Variants in TYK2 observed in about 807,000 individuals in gnomAD.
TYK2 encodes tyrosine kinase 2, also known as non-receptor tyrosine-protein kinase TYK2.
Under a neutral mutation model 130.9 loss-of-function variants are expected in TYK2, and 65 were observed. The observed-to-expected ratio is 0.50, with a 90% CI of 0.41 to 0.61. The LOEUF (loss-of-function observed/expected upper bound fraction) is 0.61. TYK2 is among the 20% of genes least tolerant of loss of function. The pLI is 0.00. For synonymous variants in TYK2, 647 were observed against 658.9 expected (o/e 0.98, Z 0.28); for missense variants, 1,378 against 1,610.7 (o/e 0.86, Z 2.47).
chr19:10,365,774 G>A lies in TYK2; in HGVS notation c.754C>T (p.Gln252Ter). Reference protein sequence around the residue: ...LRDFQPGRLSQQMVMVKYLAT... With the variant: ...LRDFQPGRLS ...AGGTATTTGACCATGACCATCTGCT[G>A]GGAGAGTCGGCCCGGCTGGAAGTCC... is the stretch of plus-strand genomic sequence containing the variant. Residue 252 changes from glutamine to a stop codon, truncating the protein, a stop_gained, in exon 7 of 25, where the codon CAG becomes TAG. Transcript: ENST00000525621. LOFTEE classifies it high-confidence loss of function. 6.2e-7 allele frequency: 1 copy of A among 1,612,666 alleles called. No homozygotes were observed. The highest frequency in any genetic ancestry group is 8.5e-7 in the Non-Finnish European group (1 of 1,179,836).
At chr19:10,375,704 C>T (rs2042089046) in intron 3 of TYK2, among the ~76,000 whole-genome samples, 1 of 147,652 alleles carries the variant, frequency 6.8e-6, no homozygotes, top group South Asian at 2.1e-4. Context: ...ATCACGAGGT[C>T]AGGAGATCAA....
In TYK2 at chr19:10,364,567, T is replaced by G. The variant is rs374575780; in HGVS notation, c.1367+47A>C. On this transcript the variant is annotated intron_variant, in intron 9 of 24. Transcript: ENST00000525621. The surrounding 1 kb of genome is among the most constrained non-coding windows in gnomAD (Gnocchi z 4.9). ...ACAGCCCCTAGGGCTCACAGTCTAG[T>G]TGGCACCCTTGGCGGTGGCCCCCAG... 1.2e-6 allele frequency: 2 copies of G among 1,608,952 alleles called. No individual in the cohort carries two copies. Among genetic ancestry groups the G allele is most frequent in the Non-Finnish European group, 1.7e-6 (2 of 1,176,752 alleles).
At position 10,365,850 on chromosome 19, in the gene TYK2, G is replaced by A. The variant is rs2041638098; in HGVS notation, c.678C>T (p.His226=). The part of the protein sequence containing the change: ...PRSFRRHIRQ[H]SALTRLRLRN... ...GAAGGCGCAGCCGGGTCAGGGCGCT[G>A]TGCTGCCGGATATGCCGGCGGAAGG... The change falls in exon 7 of 25, where the codon CAC becomes CAT. Residue 226 remains histidine (H), a synonymous_variant. Transcript: ENST00000525621. The A allele has an allele frequency of 6.2e-7, 1 of 1,612,372 alleles. No homozygotes were observed. The highest frequency in any genetic ancestry group is 2.2e-5 in the East Asian group (1 of 44,858).
chr19:10,373,039 A>AT lies in TYK2; in HGVS notation c.194-4622dup, dbSNP rs951748152. ...CCACCATGCCCAGCTAATTTTTTGT[A>AT]TTTTTTTTTTTTTTGGATAGAGTTT... On this transcript the variant is annotated intron_variant, in intron 3 of 24. Coordinates refer to ENST00000525621, the MANE Select transcript of TYK2 (RefSeq NM_003331.5). 4.8e-3 allele frequency among the ~76,000 whole-genome samples: 635 copies of AT among 133,276 alleles called. 6 individuals carry two copies. The highest frequency in any genetic ancestry group is 0.012 in the African/African-American group (448 of 36,178). The allele number at this position is 133,276 out of a possible 152,430, so 87.4% of individuals were successfully genotyped here.
intron 3 of TYK2, among the ~76,000 whole-genome samples, chr19:10,371,082 C>T (rs1018899127): frequency 7.9e-5 from 12 of 152,028 alleles, no homozygotes; most frequent in Non-Finnish European, 1.5e-5. Flanking sequence ...CCTCCTGCCT[C>T]AGCCTCCCAA....
chr19:10,353,400 C>CA lies in TYK2; in HGVS notation c.3027+127dup. 1.4e-6 allele frequency: 1 copy of CA among 701,770 alleles called. No individual in the cohort carries two copies. The highest frequency in any genetic ancestry group is 1.8e-5 in the African/African-American group (1 of 55,188). 43.5% of individuals were successfully genotyped at this position (701,770 alleles called of 1,614,324 possible). A position where few individuals can be genotyped will look rare whatever the true frequency, so the allele number is the denominator to read the frequency against. On this transcript the variant is annotated intron_variant, in intron 21 of 24. Transcript: ENST00000525621. This position sits in a 1 kb window ranked among gnomAD's most constrained non-coding sequence, Gnocchi z 6.9. Reference sequence around the variant, plus strand: ...AAGCCAAACAGTTCGGAGGTCAGTGCAAGGACAAGACAGCCTGGGCAAACG... The same window carrying CA: ...AAGCCAAACAGTTCGGAGGTCAGTGCAAAGGACAAGACAGCCTGGGCAAACG...
intron 18 of TYK2, among the ~76,000 whole-genome samples, chr19:10,356,236 G>A (rs757512192): frequency 9.2e-5 from 14 of 152,054 alleles, no homozygotes; most frequent in East Asian, 1.9e-4. Flanking sequence ...AAAATTAGCC[G>A]GGCATGGTGG....
chr19:10,378,109 G>C, intron 3 of TYK2, 105 bp downstream of exon 3: 1 of 1,134,730 alleles, frequency 8.8e-7, no homozygotes, highest in Non-Finnish European at 1.3e-6. Context: ...TGAGTGGGTG[G>C]ATGGGTGGGT....
intron 3 of TYK2, among the ~76,000 whole-genome samples, chr19:10,372,023 A>C (rs280498): frequency 0.77 from 116,486 of 151,376 alleles, 45,956 homozygotes; most frequent in African/African-American, 0.94. Flanking sequence ...CGGAGTCTCG[A>C]TCTGTCGCCC....
Position 10,378,375 on chromosome 19 carries a change from C to A in TYK2, c.32G>T (p.Gly11Val), listed in dbSNP as rs900008134. The change falls in exon 3 of 25, where the codon GGC (glycine) becomes GTC (valine). Residue 11 changes from glycine to valine, a missense_variant. Physicochemically the swap from Gly to Val is moderately radical, Grantham distance 109. Transcript: ENST00000525621. Reference protein sequence around the residue: MPLRHWGMARGSKPVGDGAQP... With the variant: MPLRHWGMARVSKPVGDGAQP... ...GGCTCCATCCCCAACGGGCTTACTG[C>A]CCCTGGCCATCCCCCAGTGGCGCAG... 1.9e-6 allele frequency: 3 copies of A among 1,611,812 alleles called. No homozygotes were observed. In the African/African-American group the frequency reaches 4.0e-5, roughly 22 times the overall value.
At chr19:10,366,050 C>G (rs1283576364) in intron 6 of TYK2, 152 bp from the exon 7 acceptor site, 1 of 917,002 alleles carries the variant, frequency 1.1e-6, no homozygotes, top group Non-Finnish European at 1.6e-6. Flanking sequence ...AGCCTGTAGT[C>G]TCAGCTACTT....
intron 17 of TYK2, 82 bp downstream of exon 17, chr19:10,357,682 A>C: frequency 6.5e-7 from 1 of 1,535,902 alleles, no homozygotes; most frequent in Non-Finnish European, 8.8e-7. Flanking sequence ...GAAGGGATGC[A>C]GCTTTGAGCT....
intron 2 of TYK2, among the ~76,000 whole-genome samples, chr19:10,379,376 A>T (rs2042289078): frequency 6.7e-6 from 1 of 149,946 alleles, no homozygotes; most frequent in Non-Finnish European, 1.5e-5. Context: ...AAAATATATA[A>T]AAAGGGCCAG....
chr19:10,372,262 G>C (rs1390587787), intron 3 of TYK2, among the ~76,000 whole-genome samples: 9 of 148,650 alleles, frequency 6.1e-5, no homozygotes, highest in Non-Finnish European at 1.0e-4. Context: ...CAAAGTGCTG[G>C]GATTACAGGC....
intron 17 of TYK2, chr19:10,357,029 G>T: frequency 2.1e-6 from 1 of 465,328 alleles, no homozygotes. Flanking sequence ...CTTTGCACAG[G>T]CCATGCACTC....
chr19:10,357,687 T>G, intron 17 of TYK2, 77 bp downstream of exon 17: 1 of 1,541,718 alleles, frequency 6.5e-7, no homozygotes, highest in Non-Finnish European at 8.8e-7. Flanking sequence ...GATGCAGCTT[T>G]GAGCTCTGAT....
chr19:10,379,428 C>T (rs2042290714), intron 2 of TYK2, among the ~76,000 whole-genome samples, 187 bp downstream of exon 2: 1 of 150,494 alleles, frequency 6.6e-6, no homozygotes, highest in Non-Finnish European at 1.5e-5. Flanking sequence ...TTTGGGAGGC[C>T]AAGGCGGACA....
At chr19:10,378,074 ATGGG>A (rs1247965183) in intron 3 of TYK2, 136 bp downstream of exon 3, 3 of 758,860 alleles carry the variant, frequency 4.0e-6, no homozygotes, top group Non-Finnish European at 6.0e-6. Flanking sequence ...GGGTGGGTGG[ATGGG>A]TGGATGGATG....
chr19:10,356,496 G>A (rs960759612), intron 18 of TYK2, 72 bp downstream of exon 18: 6 of 1,588,286 alleles, frequency 3.8e-6, no homozygotes, highest in East Asian at 2.2e-5. Flanking sequence ...CCTCTCGTGC[G>A]CTATAGGCAT....
Sources: allele counts gnomAD v4.1 joint callset (sites outside exome capture counted in the v4.1 genomes callset), GRCh38; gene constraint gnomAD v4.1.1; non-coding constraint Gnocchi (gnomAD v3.1); transcripts MANE v1.5; gene names NCBI Gene and HGNC (gene_info 2026-07-23, HGNC 2026-07-21).